Variants in COBL observed in about 807,000 individuals in gnomAD.
The protein encoded by COBL is protein cordon-bleu.
A neutral mutation model predicts 98.8 loss-of-function variants in COBL; 51 were observed. The observed-to-expected ratio is 0.52, with a 90% CI of 0.41 to 0.65. COBL has a LOEUF of 0.65. COBL is among the 30% of genes least tolerant of loss of function. COBL has a pLI of 0.00. For missense variants in COBL, 1,617 were observed against 1,617.5 expected, an observed-to-expected ratio of 1.00 and a Z score of 0.01; for synonymous variants, 634 against 651.7, an observed-to-expected ratio of 0.97 and a Z score of 0.41.
chr7:51,263,224 G>C (rs1437673602), intron 1 of COBL, among the ~76,000 whole-genome samples: 1 of 152,010 alleles, frequency 6.6e-6, no homozygotes, highest in Non-Finnish European at 1.5e-5. Flanking sequence ...ACTGGGGAAA[G>C]GTGCAAGAGA....
At chr7:51,103,954 C>T (rs1048960096) in intron 6 of COBL, among the ~76,000 whole-genome samples, 3 of 152,222 alleles carry the variant, frequency 2.0e-5, no homozygotes, top group Non-Finnish European at 4.4e-5. Flanking sequence ...CACTTTGCAG[C>T]GCCTGCCTAA....
chr7:51,240,441 C>T (rs975543891), intron 1 of COBL, among the ~76,000 whole-genome samples: 1 of 152,248 alleles, frequency 6.6e-6, no homozygotes, highest in East Asian at 1.9e-4. Flanking sequence ...ATCAGAGCAG[C>T]CACAGCGTGG....
intron 5 of COBL, among the ~76,000 whole-genome samples, chr7:51,183,455 T>C (rs144094609): frequency 3.9e-5 from 6 of 152,330 alleles, no homozygotes; most frequent in Non-Finnish European, 1.5e-5. Context: ...TTGATAATCT[T>C]ATAATTAATT....
chr7:51,203,393 C>A (rs1437138515), intron 2 of COBL, among the ~76,000 whole-genome samples: 1 of 102,210 alleles, frequency 9.8e-6, no homozygotes, highest in African/African-American at 4.8e-5. Context: ...ACCCGGGAGG[C>A]GGAGCTTGCA....
At chr7:51,288,432 A>AG (rs748223283) in intron 1 of COBL, among the ~76,000 whole-genome samples, 16 of 147,550 alleles carry the variant, frequency 1.1e-4, no homozygotes, top group Non-Finnish European at 1.9e-4. Context: ...CAAAAAAAAA[A>AG]AAAAAGAAAG....
At chr7:51,273,735 C>G (rs1799010488) in intron 1 of COBL, among the ~76,000 whole-genome samples, 1 of 152,180 alleles carries the variant, frequency 6.6e-6, no homozygotes. Context: ...ACCAGAGAGA[C>G]AAACTAATTT....
At chr7:51,078,369 C>T (rs1159056885) in intron 7 of COBL, among the ~76,000 whole-genome samples, 1 of 152,188 alleles carries the variant, frequency 6.6e-6, no homozygotes, top group Non-Finnish European at 1.5e-5. Context: ...CCATTGCTCC[C>T]AGCCTTAGGG....
chr7:51,120,590 T>A (rs1237545250), intron 6 of COBL, among the ~76,000 whole-genome samples: 3 of 152,166 alleles, frequency 2.0e-5, no homozygotes, highest in Non-Finnish European at 4.4e-5. Context: ...CAAAACTCTT[T>A]TCATCTTGTA....
At chr7:51,071,536 A>G (rs1293517207) in intron 7 of COBL, 1 of 152,110 alleles carries the variant, frequency 6.6e-6, no homozygotes, top group Non-Finnish European at 1.5e-5. Context: ...CTGTAAGCTG[A>G]CTTAGCCCTA....
At chr7:51,311,428 A>G (rs1803029440) in intron 1 of COBL, among the ~76,000 whole-genome samples, 5 of 152,262 alleles carry the variant, frequency 3.3e-5, no homozygotes. Flanking sequence ...CTATTGTCGC[A>G]CCAGAGGAGA....
At chr7:51,297,491 A>C (rs1196061898) in intron 1 of COBL, among the ~76,000 whole-genome samples, 2 of 148,166 alleles carry the variant, frequency 1.3e-5, no homozygotes, top group Non-Finnish European at 3.0e-5. Context: ...TCCCGGGTTC[A>C]AGCAATTCTC....
intron 1 of COBL, among the ~76,000 whole-genome samples, chr7:51,280,606 G>A (rs980920689): frequency 6.6e-6 from 1 of 152,100 alleles, no homozygotes; most frequent in Non-Finnish European, 1.5e-5. Context: ...TAGTTTTCTG[G>A]CTGGAGCACA....
chr7:51,021,703 C>T (rs1369297397), intron 12 of COBL, among the ~76,000 whole-genome samples: 1 of 152,202 alleles, frequency 6.6e-6, no homozygotes, highest in Non-Finnish European at 1.5e-5. Flanking sequence ...TTGATGTTCG[C>T]ATGCCATAAT....
At chr7:51,037,261 A>G (rs1310145553) in intron 8 of COBL, among the ~76,000 whole-genome samples, 1 of 152,224 alleles carries the variant, frequency 6.6e-6, no homozygotes, top group Non-Finnish European at 1.5e-5. Flanking sequence ...ACCAGCAACA[A>G]TAACACCAGC....
chr7:51,236,026 A>C (rs932560051), intron 1 of COBL, among the ~76,000 whole-genome samples: 2 of 151,958 alleles, frequency 1.3e-5, no homozygotes, highest in African/African-American at 4.8e-5. Flanking sequence ...TTCAAAAAAA[A>C]CCCTTCCCCT....
intron 5 of COBL, among the ~76,000 whole-genome samples, chr7:51,155,640 T>G (rs1371231713): frequency 7.5e-6 from 1 of 133,860 alleles, no homozygotes; most frequent in Non-Finnish European, 1.6e-5. Flanking sequence ...AGTTCCTATA[T>G]AGCCCTGGTT....
intron 6 of COBL, among the ~76,000 whole-genome samples, chr7:51,096,517 T>C (rs534504696): frequency 5.9e-4 from 89 of 151,440 alleles, no homozygotes; most frequent in South Asian, 1.3e-3. Context: ...ATAAATGAAA[T>C]AGAAAATAGA....
intron 6 of COBL, among the ~76,000 whole-genome samples, chr7:51,127,906 A>G (rs1435743244): frequency 1.3e-5 from 2 of 152,228 alleles, no homozygotes; most frequent in Non-Finnish European, 2.9e-5. Context: ...ACACTATAAC[A>G]TTAAAAGGAA....
intron 7 of COBL, among the ~76,000 whole-genome samples, chr7:51,044,340 T>G (rs941568028): frequency 1.3e-5 from 2 of 152,200 alleles, no homozygotes; most frequent in African/African-American, 4.8e-5. Flanking sequence ...CTGTCAAGCC[T>G]TAATACTAAT....
Sources: gnomAD v4.1 joint callset for allele counts (sites outside exome capture counted in the v4.1 genomes callset) on GRCh38, gnomAD v4.1.1 for gene constraint, MANE v1.5 for transcripts, NCBI Gene and HGNC (gene_info 2026-07-23, HGNC 2026-07-21) for gene names.